Variants in RASA3 observed in about 807,000 individuals in gnomAD.
The protein encoded by RASA3 is ras GTPase-activating protein 3.
In RASA3, 73 loss-of-function variants were observed where a neutral mutation model predicts 110.0. That is an observed-to-expected ratio of 0.66 (90% CI 0.55 to 0.81). RASA3 has a LOEUF of 0.81. Among genes scored for constraint, RASA3 ranks in the 30% least tolerant of loss-of-function variants. RASA3 has a pLI of 0.00. For missense variants in RASA3, 976 were observed against 1,113.2 expected (o/e 0.88, Z 1.75); for synonymous variants, 500 against 451.4 (o/e 1.11, Z -1.37).
At chr13:114,045,369 T>TC (rs2079035705) in intron 3 of RASA3, among the ~76,000 whole-genome samples, 1 of 152,206 alleles carries the variant, frequency 6.6e-6, no homozygotes, top group South Asian at 2.1e-4. Context: ...TTCTGCTGCA[T>TC]CTGTGCTGGC....
chr13:114,109,497 A>G (rs550512604), intron 1 of RASA3, among the ~76,000 whole-genome samples: 1 of 152,302 alleles, frequency 6.6e-6, no homozygotes, highest in African/African-American at 2.4e-5. Flanking sequence ...AACACCGACC[A>G]ACATTTACTC....
intron 3 of RASA3, among the ~76,000 whole-genome samples, chr13:114,050,125 A>G (rs1253921589): frequency 6.6e-6 from 1 of 152,238 alleles, no homozygotes; most frequent in African/African-American, 2.4e-5. Flanking sequence ...ACCCTTCCGC[A>G]GCACCCAGCT....
At chr13:114,021,834 C>T (rs1305017092) in intron 8 of RASA3, among the ~76,000 whole-genome samples, 1 of 149,924 alleles carries the variant, frequency 6.7e-6, no homozygotes, top group Non-Finnish European at 1.5e-5. Context: ...CAGGCTCTTA[C>T]ATAGGAGGGA....
rs1392074501 is a variant in RASA3 at position 114,020,083 on chromosome 13, G to C, written c.786-1164C>G. 4.2e-5 allele frequency among the ~76,000 whole-genome samples: 2 copies of C among 48,056 alleles called. 1 individual carries two copies. The highest frequency in any genetic ancestry group is 7.0e-5 in the Non-Finnish European group (2 of 28,430). 31.5% of individuals were successfully genotyped at this position (48,056 alleles called of 152,430 possible). A position where few individuals can be genotyped will look rare whatever the true frequency, so the allele number is the denominator to read the frequency against. ...CATTAGCCCCCCTCAGGTGGGTGGA[G>C]CCTGTGTCCGAGGCATTAGCCCCCC... On this transcript the variant is annotated intron_variant, in intron 9 of 23. Transcript: ENST00000334062.
intron 2 of RASA3, among the ~76,000 whole-genome samples, chr13:114,069,917 T>G (rs1283274744): frequency 3.0e-3 from 7 of 2,326 alleles, no homozygotes; most frequent in African/African-American, 2.4e-3. Context: ...GACTGGGGGG[T>G]GGGAGACTGG....
At chr13:114,063,894 C>T (rs1357159821) in intron 2 of RASA3, among the ~76,000 whole-genome samples, 2 of 152,204 alleles carry the variant, frequency 1.3e-5, no homozygotes, top group Non-Finnish European at 2.9e-5. Context: ...TTTTAAATGT[C>T]TGGCTCATTG....
In RASA3 at chr13:114,115,061, C is replaced by T. The variant is rs981968509; in HGVS notation, c.55+17374G>A. On this transcript the variant is annotated intron_variant, in intron 1 of 23. Coordinates refer to ENST00000334062, the MANE Select transcript of RASA3 (RefSeq NM_007368.4). This position sits in a 1 kb window ranked among gnomAD's most constrained non-coding sequence, Gnocchi z 5.0. ...AGATGCTGCAGGTTCCCCAGCCCCA[C>T]CCCCAGCTGTGAGATGCTGCAGGTC... Among the ~76,000 whole-genome samples the T allele has an allele frequency of 2.0e-4, 31 of 151,672 alleles. No individual in the cohort carries two copies. Among genetic ancestry groups the T allele is most frequent in the African/African-American group, 7.3e-4 (30 of 41,192 alleles).
intron 18 of RASA3, among the ~76,000 whole-genome samples, chr13:114,002,773 C>G (rs1468166482): frequency 6.6e-6 from 1 of 152,184 alleles, no homozygotes; most frequent in African/African-American, 2.4e-5. Context: ...GCCTGGCTCT[C>G]CAGGAGTCGG....
intron 2 of RASA3, among the ~76,000 whole-genome samples, chr13:114,054,780 T>C (rs1388982082): frequency 1.3e-5 from 2 of 152,272 alleles, no homozygotes; most frequent in Admixed American, 6.5e-5. Flanking sequence ...GACTCCATTG[T>C]AGCAGCATCC....
chr13:114,018,580 G>A (rs1245980234), intron 10 of RASA3, among the ~76,000 whole-genome samples, 183 bp downstream of exon 10: 1 of 152,172 alleles, frequency 6.6e-6, no homozygotes, highest in Admixed American at 6.5e-5. Flanking sequence ...TCTAACTGTC[G>A]ACGGACCAGT....
chr13:114,043,487 C>T (rs1156284654), intron 3 of RASA3, among the ~76,000 whole-genome samples: 1 of 152,164 alleles, frequency 6.6e-6, no homozygotes, highest in Admixed American at 6.5e-5. Context: ...CAGGGCCGGC[C>T]AGTTCCACAG....
intron 16 of RASA3, among the ~76,000 whole-genome samples, chr13:114,009,978 G>A (rs1451972119): frequency 1.3e-5 from 2 of 152,248 alleles, no homozygotes; most frequent in Non-Finnish European, 1.5e-5. Flanking sequence ...TCGACCCCAA[G>A]TTCCTGTTGT....
chr13:114,059,396 C>G (rs530513181), intron 2 of RASA3, among the ~76,000 whole-genome samples: 3 of 152,238 alleles, frequency 2.0e-5, no homozygotes, highest in Non-Finnish European at 4.4e-5. Flanking sequence ...TGACAGACGT[C>G]GCTGAAGCCA....
chr13:114,104,455 T>C (rs1020055117), intron 1 of RASA3, among the ~76,000 whole-genome samples: 8 of 152,094 alleles, frequency 5.3e-5, no homozygotes, highest in Non-Finnish European at 1.0e-4. Flanking sequence ...CCATACCCCA[T>C]GACCTGTACC....
chr13:114,046,702 G>A (rs1490993180), intron 3 of RASA3, among the ~76,000 whole-genome samples: 2 of 152,130 alleles, frequency 1.3e-5, no homozygotes, highest in African/African-American at 2.4e-5. Flanking sequence ...AATTTGGTTC[G>A]GTGTCCGAGC....
chr13:114,078,692 C>G (rs1321599268), intron 1 of RASA3, among the ~76,000 whole-genome samples: 2 of 152,240 alleles, frequency 1.3e-5, no homozygotes, highest in Non-Finnish European at 2.9e-5. Flanking sequence ...CAGTGAGTAA[C>G]AAAAACAAAG....
chr13:114,132,427 A>G lies in RASA3; in HGVS notation c.55+8T>C. 2.6e-6 allele frequency: 4 copies of G among 1,521,540 alleles called. No homozygotes were observed. In the South Asian group the frequency reaches 4.9e-5, roughly 19 times the overall value. The allele number at this position is 1,521,540 out of a possible 1,614,324, so 94.3% of individuals were successfully genotyped here. A position where few individuals can be genotyped will look rare whatever the true frequency, so the allele number is the denominator to read the frequency against. On this transcript the variant is annotated splice_region_variant and intron_variant, in intron 1 of 23. Coordinates refer to ENST00000334062, the MANE Select transcript of RASA3 (RefSeq NM_007368.4). ...GGGTCGGACGCGTGGCTGCCGGCGG[A>G]CACTCACCGATCTTGATCTTCACGC...
chr13:114,099,457 T>TC (rs2079993862), intron 1 of RASA3, among the ~76,000 whole-genome samples: 3 of 151,620 alleles, frequency 2.0e-5, no homozygotes, highest in African/African-American at 4.9e-5. Flanking sequence ...ACATTTGGAT[T>TC]CCCCGGGGTG....
chr13:114,077,330 A>T (rs2079701335), intron 1 of RASA3, among the ~76,000 whole-genome samples: 2 of 151,992 alleles, frequency 1.3e-5, no homozygotes, highest in African/African-American at 4.8e-5. Context: ...ACTGGCACCA[A>T]CGCACCAGGT....
Sources: allele counts gnomAD v4.1 joint callset (sites outside exome capture counted in the v4.1 genomes callset), GRCh38; gene constraint gnomAD v4.1.1; non-coding constraint Gnocchi (gnomAD v3.1); transcripts MANE v1.5; gene names NCBI Gene and HGNC (gene_info 2026-07-23, HGNC 2026-07-21).